The following ANKRD30A variants were observed in gnomAD, a reference collection of about 807,000 sequenced individuals.
The protein encoded by ANKRD30A is ankyrin repeat domain-containing protein 30A.
A neutral mutation model predicts 166.3 loss-of-function variants in ANKRD30A; 170 were observed. The observed-to-expected ratio is 1.02, with a 90% CI of 0.90 to 1.16. The LOEUF (loss-of-function observed/expected upper bound fraction) is 1.16, where lower values mean the gene tolerates loss of function less well. Among genes scored for constraint, ANKRD30A ranks in the 50% most tolerant of loss-of-function variants. The pLI, the probability that ANKRD30A is intolerant of heterozygous loss-of-function variation, is 0.00. For synonymous variants in ANKRD30A, 564 were observed against 508.9 expected (o/e 1.11, Z -1.46); for missense variants, 1,630 against 1,518.0 (o/e 1.07, Z -1.23).
intron 30 of ANKRD30A, among the ~76,000 whole-genome samples, chr10:37,200,335 G>T (rs976182161): frequency 2.0e-5 from 3 of 151,998 alleles, no homozygotes; most frequent in African/African-American, 7.2e-5. Context: ...AATAACAAGA[G>T]TATTGGTTGA....
In ANKRD30A at chr10:37,147,375, C is replaced by G. The variant is rs767496316; in HGVS notation, c.1461C>G (p.Leu487=). 5 of 1,584,724 alleles carry G rather than the reference C, an allele frequency of 3.2e-6. No homozygotes were observed. The African/African-American group carries it at 4.1e-5, about 13-fold the overall frequency. The change falls in exon 9 of 36, where the codon CTC becomes CTG. Residue 487 remains leucine (L), a synonymous_variant. Coordinates refer to ENST00000361713, the MANE Select transcript of ANKRD30A (RefSeq NM_052997.3). The part of the protein sequence containing the change: ...DEEYSCDSRS[L]FESSAKIQVC... ...ATTGATACTACTTTTAACAGAGTCT[C>G]TTTGAGAGTTCTGCAAAGATTCAAG... is the stretch of plus-strand genomic sequence containing the variant.
Position 37,142,137 on chromosome 10 carries a change from C to T in ANKRD30A, c.1240C>T (p.Pro414Ser), listed in dbSNP as rs1486122832. ...ATTTACGTGGGCAGCAAAAGGAAGA[C>T]CTAGGAAGATCGCATGGGAGAAAAA... ...EKFTWAAKGR[P>S]RKIAWEKKET... The change falls in exon 7 of 36, where the codon CCT becomes TCT. Residue 414 changes from proline to serine, a missense_variant. Around this residue, in one of 4 missense-constraint regions of ANKRD30A, gnomAD observed 904 missense variants for 818.5 expected, o/e 1.10. Coordinates refer to ENST00000361713, the MANE Select transcript of ANKRD30A (RefSeq NM_052997.3). 1 of 1,613,576 alleles carries T rather than the reference C, an allele frequency of 6.2e-7. No individual in the cohort carries two copies. Among genetic ancestry groups the T allele is most frequent in the African/African-American group, 1.3e-5 (1 of 74,732 alleles).
chr10:37,192,934 C>T (rs754584914), intron 25 of ANKRD30A, 130 bp from the exon 26 acceptor site: 1 of 1,471,850 alleles, frequency 6.8e-7, no homozygotes, highest in Non-Finnish European at 9.4e-7. Context: ...CCCAAAAGAC[C>T]CCAAAAGCTA....
intron 17 of ANKRD30A, 112 bp from the exon 18 acceptor site, chr10:37,164,982 G>A (rs1170667077): frequency 7.9e-6 from 9 of 1,137,126 alleles, no homozygotes; most frequent in Non-Finnish European, 1.2e-5. Flanking sequence ...AGAACATATG[G>A]GCCACAGAGG....
At chr10:37,218,884 C>A in intron 33 of ANKRD30A, 96 bp from the exon 34 acceptor site, 1 of 828,500 alleles carries the variant, frequency 1.2e-6, no homozygotes, top group Non-Finnish European at 1.9e-6. Flanking sequence ...AAAACCCTTT[C>A]ATTGTATAAA....
intron 15 of ANKRD30A, 142 bp downstream of exon 15, chr10:37,158,728 T>A (rs1838587616): frequency 7.6e-7 from 1 of 1,319,936 alleles, no homozygotes; most frequent in East Asian, 2.5e-5. Context: ...TGTGAGTATT[T>A]CTGTTTGAGA....
intron 4 of ANKRD30A, 93 bp downstream of exon 4, chr10:37,132,439 A>G: frequency 1.4e-6 from 1 of 713,908 alleles, no homozygotes; most frequent in Non-Finnish European, 2.1e-6. Flanking sequence ...TTTACTTAAA[A>G]TTGTTAGATT....
intron 31 of ANKRD30A, among the ~76,000 whole-genome samples, chr10:37,203,401 T>C (rs1390677210): frequency 6.6e-6 from 1 of 152,156 alleles, no homozygotes; most frequent in Non-Finnish European, 1.5e-5. Context: ...ATTATCTCAA[T>C]AGATGCAGAA....
intron 30 of ANKRD30A, among the ~76,000 whole-genome samples, 198 bp from the exon 31 acceptor site, chr10:37,201,037 A>G (rs1241588902): frequency 6.6e-6 from 1 of 152,080 alleles, no homozygotes; most frequent in Non-Finnish European, 1.5e-5. Flanking sequence ...CCACATGGAC[A>G]TAAAGATCAG....
intron 34 of ANKRD30A, among the ~76,000 whole-genome samples, chr10:37,223,249 GA>G (rs1255675913): frequency 2.1e-4 from 32 of 150,848 alleles, no homozygotes; most frequent in African/African-American, 7.8e-4. Flanking sequence ...TATAAGTTGA[GA>G]ATATTGAGAA....
At chr10:37,210,789 C>T (rs1021979317) in intron 31 of ANKRD30A, among the ~76,000 whole-genome samples, 1 of 152,012 alleles carries the variant, frequency 6.6e-6, no homozygotes, top group Non-Finnish European at 1.5e-5. Flanking sequence ...CTGTTCATAT[C>T]CTTTGCTCAC....
At chr10:37,229,426 A>G (rs1843314275) in intron 34 of ANKRD30A, among the ~76,000 whole-genome samples, 1 of 152,026 alleles carries the variant, frequency 6.6e-6, no homozygotes, top group African/African-American at 2.4e-5. Flanking sequence ...CTATATATGT[A>G]TGCAATGTGT....
At position 37,130,297 on chromosome 10, in the gene ANKRD30A, C is replaced by G. The variant is rs755247560; in HGVS notation, c.429C>G (p.Leu143=). ...TAGATGTGTATGGCAACACGGCTCT[C>G]CATTATGCTGTTTATAGTGAGATTT... is the stretch of plus-strand genomic sequence containing the variant. ...NLVDVYGNTA[L]HYAVYSEILS... Residue 143 remains leucine (L), a synonymous_variant, in exon 3 of 36, where the codon CTC becomes CTG. Coordinates refer to ENST00000361713, the MANE Select transcript of ANKRD30A (RefSeq NM_052997.3). 5 of 1,604,988 alleles carry G rather than the reference C, an allele frequency of 3.1e-6. No homozygotes were observed. The South Asian group carries it at 3.3e-5, about 11-fold the overall frequency.
chr10:37,233,123 TA>T (rs1045907026), downstream of ANKRD30A, among the ~76,000 whole-genome samples: 3 of 152,086 alleles, frequency 2.0e-5, no homozygotes, highest in Non-Finnish European at 4.4e-5. Flanking sequence ...CTTCATATTC[TA>T]AAAAATTCTA....
the ANKRD30A span, among the ~76,000 whole-genome samples, chr10:37,258,644 G>T: frequency 1.4e-5 from 2 of 145,698 alleles, no homozygotes; most frequent in African/African-American, 2.5e-5. Context: ...AATGTGAAAG[G>T]TTAAAAATTA....
At chr10:37,253,588 A>T in the ANKRD30A span, among the ~76,000 whole-genome samples, 1 of 152,096 alleles carries the variant, frequency 6.6e-6, no homozygotes, top group East Asian at 1.9e-4. Context: ...ATAGAGATGG[A>T]ATCATACAAT....
At chr10:37,162,117 G>A (rs572970867) in intron 15 of ANKRD30A, among the ~76,000 whole-genome samples, 1 of 152,032 alleles carries the variant, frequency 6.6e-6, no homozygotes, top group African/African-American at 2.4e-5. Context: ...AGAAATATAG[G>A]CATATGATTA....
chr10:37,204,609 T>G (rs1841868621), intron 31 of ANKRD30A, among the ~76,000 whole-genome samples: 1 of 152,118 alleles, frequency 6.6e-6, no homozygotes, highest in Non-Finnish European at 1.5e-5. Flanking sequence ...AAAGCCAAAA[T>G]TGACAAATGG....
chr10:37,224,288 T>C (rs973979998), intron 34 of ANKRD30A, among the ~76,000 whole-genome samples: 7 of 151,252 alleles, frequency 4.6e-5, no homozygotes, highest in African/African-American at 1.7e-4. Flanking sequence ...TAAAAATATG[T>C]CTTTGTTATT....
Sources: allele counts gnomAD v4.1 joint callset (sites outside exome capture counted in the v4.1 genomes callset), GRCh38; gene constraint gnomAD v4.1.1; regional missense constraint gnomAD v4.1.1; transcripts MANE v1.5; gene names NCBI Gene and HGNC (gene_info 2026-07-23, HGNC 2026-07-21).